The following ARHGEF7 variants were observed in gnomAD, a reference collection of about 807,000 sequenced individuals.
ARHGEF7 encodes the protein PAK-interacting exchange factor beta.
In ARHGEF7, 33 loss-of-function variants were observed where a neutral mutation model predicts 109.8. The observed-to-expected ratio is 0.30, with a 90% confidence interval of 0.23 to 0.40. ARHGEF7 has a LOEUF of 0.40. ARHGEF7 is among the 10% of genes least tolerant of loss of function. ARHGEF7 has a pLI of 1.00. For missense variants in ARHGEF7, 938 were observed against 1,098.5 expected, an observed-to-expected ratio of 0.85 and a Z score of 2.07; for synonymous variants, 458 against 424.6, an observed-to-expected ratio of 1.08 and a Z score of -0.97.
chr13:111,197,495 G>A (rs773006324), intron 2 of ARHGEF7, among the ~76,000 whole-genome samples: 13 of 152,144 alleles, frequency 8.5e-5, no homozygotes, highest in South Asian at 2.1e-4. Flanking sequence ...AGTCCTAAGC[G>A]TTCTCCTGTT....
At chr13:111,284,878 G>T (rs535156842) in intron 16 of ARHGEF7, among the ~76,000 whole-genome samples, 1 of 152,256 alleles carries the variant, frequency 6.6e-6, no homozygotes, top group Non-Finnish European at 1.5e-5. Context: ...CTCGGAGCAC[G>T]TGAGGGGCGG....
chr13:111,259,858 A>G (rs755675316), intron 8 of ARHGEF7, among the ~76,000 whole-genome samples: 5 of 152,358 alleles, frequency 3.3e-5, no homozygotes, highest in East Asian at 3.9e-4. Flanking sequence ...TGAGGAAACA[A>G]TGAAATTCAA....
At chr13:111,276,534 A>C (rs1211591929) in intron 12 of ARHGEF7, among the ~76,000 whole-genome samples, 2 of 152,308 alleles carry the variant, frequency 1.3e-5, no homozygotes, top group Non-Finnish European at 2.9e-5. Context: ...CATTTCCCAA[A>C]GTGTGTTCTT....
At chr13:111,162,472 T>C (rs1408573836) in intron 2 of ARHGEF7, among the ~76,000 whole-genome samples, 1 of 152,232 alleles carries the variant, frequency 6.6e-6, no homozygotes, top group African/African-American at 2.4e-5. Context: ...TGGGCCACTC[T>C]GTACAAGCTG....
At chr13:111,267,485 C>T in intron 8 of ARHGEF7, 63 bp from the exon 9 acceptor site, 1 of 1,600,344 alleles carries the variant, frequency 6.2e-7, no homozygotes, top group Non-Finnish European at 8.5e-7. Flanking sequence ...ATATGTCTGT[C>T]AGTTAGCAGT....
chr13:111,281,370 A>C (rs1301450872), intron 15 of ARHGEF7, among the ~76,000 whole-genome samples: 1 of 152,094 alleles, frequency 6.6e-6, no homozygotes, highest in African/African-American at 2.4e-5. Context: ...TGACGATGAC[A>C]CAGGCGTTTT....
chr13:111,149,231 G>A (rs1355773344), intron 1 of ARHGEF7, among the ~76,000 whole-genome samples: 1 of 150,902 alleles, frequency 6.6e-6, no homozygotes, highest in African/African-American at 2.4e-5. Flanking sequence ...GCAACATAGT[G>A]AGACCACTAT....
chr13:111,177,748 G>T (rs2078305606), intron 2 of ARHGEF7, among the ~76,000 whole-genome samples: 1 of 152,188 alleles, frequency 6.6e-6, no homozygotes, highest in African/African-American at 2.4e-5. Context: ...TGAAATATGT[G>T]CTATCTTGAA....
At chr13:111,116,735 G>A (rs2153303660) in intron 1 of ARHGEF7, among the ~76,000 whole-genome samples, 1 of 152,290 alleles carries the variant, frequency 6.6e-6, no homozygotes, top group Non-Finnish European at 1.5e-5. Flanking sequence ...AAAATGCCAC[G>A]TAAGTGACTT....
At chr13:111,293,318 C>T (rs1045293079) in intron 19 of ARHGEF7, 12 of 985,130 alleles carry the variant, frequency 1.2e-5, no homozygotes, top group Middle Eastern at 5.2e-4. Context: ...TTTTCAGCAA[C>T]CAGCTGCAGT....
At chr13:111,121,200 C>G (rs1212562911) in intron 1 of ARHGEF7, among the ~76,000 whole-genome samples, 2 of 152,176 alleles carry the variant, frequency 1.3e-5, no homozygotes, top group Non-Finnish European at 2.9e-5. Flanking sequence ...CCCAAAGGCA[C>G]CCAGGGTAGG....
At chr13:111,203,144 CT>C in intron 2 of ARHGEF7, 1 of 1,258,730 alleles carries the variant, frequency 7.9e-7, no homozygotes, top group Non-Finnish European at 1.0e-6. Flanking sequence ...GTATGTATTT[CT>C]TTTTGTAGTA....
chr13:111,120,625 A>C (rs1191036322), intron 1 of ARHGEF7, among the ~76,000 whole-genome samples: 1 of 152,224 alleles, frequency 6.6e-6, no homozygotes, highest in Non-Finnish European at 1.5e-5. Context: ...CTCCAAGCCC[A>C]GTCCAAAGGA....
intron 2 of ARHGEF7, among the ~76,000 whole-genome samples, chr13:111,176,485 C>G (rs941487923): frequency 2.0e-5 from 3 of 152,190 alleles, no homozygotes; most frequent in African/African-American, 7.2e-5. Context: ...CCAGTTTCTT[C>G]CTAGGTCCCA....
At chr13:111,295,926 C>T (rs1309964815) in intron 19 of ARHGEF7, among the ~76,000 whole-genome samples, 1 of 152,240 alleles carries the variant, frequency 6.6e-6, no homozygotes, top group Non-Finnish European at 1.5e-5. Flanking sequence ...CAGGTGTTCT[C>T]TTCTGATGAA....
chr13:111,168,553 G>C (rs12019889), intron 2 of ARHGEF7, among the ~76,000 whole-genome samples: 27,152 of 152,136 alleles, frequency 0.18, 2,584 homozygotes, highest in South Asian at 0.21. Context: ...AAATAGGCAA[G>C]AATTGTTCAG....
chr13:111,183,189 G>A (rs55747885), intron 2 of ARHGEF7, among the ~76,000 whole-genome samples: 3,344 of 152,284 alleles, frequency 0.022, 68 homozygotes, highest in Middle Eastern at 0.095. Flanking sequence ...CACATTGCAC[G>A]CACGCTATGT....
intron 2 of ARHGEF7, among the ~76,000 whole-genome samples, chr13:111,199,128 G>A (rs1946236640): frequency 6.6e-6 from 1 of 152,204 alleles, no homozygotes; most frequent in Non-Finnish European, 1.5e-5. Context: ...TCATTGGTCA[G>A]AGAAAGTCAT....
chr13:111,169,440 G>A (rs1594221864), intron 2 of ARHGEF7, among the ~76,000 whole-genome samples: 2 of 152,260 alleles, frequency 1.3e-5, no homozygotes, highest in African/African-American at 2.4e-5. Flanking sequence ...CGGAGCAGGA[G>A]CAAGGGAGTG....
Sources: allele counts gnomAD v4.1 joint callset (sites outside exome capture counted in the v4.1 genomes callset), GRCh38; gene constraint gnomAD v4.1.1; transcripts MANE v1.5; gene names NCBI Gene and HGNC (gene_info 2026-07-23, HGNC 2026-07-21).